The following IMMP2L variants were observed in gnomAD, a reference collection of about 807,000 sequenced individuals.
IMMP2L encodes the protein inner mitochondrial membrane peptidase subunit 2, also known as mitochondrial inner membrane protease subunit 2.
A neutral mutation model predicts 19.3 loss-of-function variants in IMMP2L; 18 were observed. The observed-to-expected ratio is 0.93, with a 90% CI of 0.64 to 1.38. The LOEUF is 1.38. IMMP2L is among the 40% of genes most tolerant of loss of function. The pLI is 0.00. For synonymous variants in IMMP2L, 76 were observed against 73.0 expected (o/e 1.04, Z -0.21); for missense variants, 233 against 218.2 (o/e 1.07, Z -0.43).
chr7:111,040,063 G>A lies in IMMP2L; in HGVS notation c.240-76498C>T, dbSNP rs148465797. Among the ~76,000 whole-genome samples the A allele has an allele frequency of 2.4e-3, 360 of 152,292 alleles. 3 individuals are homozygous for A. The highest frequency in any genetic ancestry group is 8.3e-3 in the African/African-American group (344 of 41,574). On this transcript the variant is annotated intron_variant, in intron 3 of 5. Coordinates refer to ENST00000405709, the MANE Select transcript of IMMP2L (RefSeq NM_032549.4). ...GCCTGTAATCCCAGCTACTCAGGAC[G>A]CTGAAGCAGGAGAATCACTTGAAGC...
At chr7:111,308,132 C>G (rs531682861) in intron 3 of IMMP2L, among the ~76,000 whole-genome samples, 1 of 151,900 alleles carries the variant, frequency 6.6e-6, no homozygotes, top group Admixed American at 6.6e-5. Flanking sequence ...CTTCAATCAA[C>G]CAACATAGAG....
chr7:110,882,773 GTTT>G (rs72028708), intron 5 of IMMP2L, among the ~76,000 whole-genome samples: 1 of 143,612 alleles, frequency 7.0e-6, no homozygotes, highest in Non-Finnish European at 1.5e-5. Context: ...TTTTTCTTTT[GTTT>G]TTTTTTTAAC....
At chr7:111,437,344 C>T (rs1837278635) in intron 3 of IMMP2L, among the ~76,000 whole-genome samples, 1 of 151,768 alleles carries the variant, frequency 6.6e-6, no homozygotes, top group Non-Finnish European at 1.5e-5. Context: ...ACTCAGGAGG[C>T]TGAGGCAAGA....
chr7:111,146,626 A>G (rs903996074), intron 3 of IMMP2L, among the ~76,000 whole-genome samples: 2 of 152,128 alleles, frequency 1.3e-5, no homozygotes, highest in East Asian at 3.8e-4. Flanking sequence ...TATCATCTAA[A>G]TTGTAAACTC....
intron 3 of IMMP2L, among the ~76,000 whole-genome samples, chr7:111,012,674 T>G (rs1012672481): frequency 6.6e-6 from 1 of 152,190 alleles, no homozygotes; most frequent in African/African-American, 2.4e-5. Flanking sequence ...TTCTGGAGTT[T>G]TAGGTAAGTT....
chr7:110,778,722 T>C (rs1157741602), intron 5 of IMMP2L, among the ~76,000 whole-genome samples: 1 of 151,952 alleles, frequency 6.6e-6, no homozygotes, highest in African/African-American at 2.4e-5. Context: ...GAAACACAGG[T>C]GCTTTAAGAA....
At chr7:111,315,299 G>GTAAA (rs1823937873) in intron 3 of IMMP2L, among the ~76,000 whole-genome samples, 1 of 152,026 alleles carries the variant, frequency 6.6e-6, no homozygotes, top group South Asian at 2.1e-4. Flanking sequence ...CTGACAGGTG[G>GTAAA]TAAGACAATA....
chr7:111,500,376 G>T (rs1472590472), intron 2 of IMMP2L, among the ~76,000 whole-genome samples: 1 of 152,150 alleles, frequency 6.6e-6, no homozygotes, highest in Non-Finnish European at 1.5e-5. Flanking sequence ...TCCACCTCTG[G>T]GGGCAGGGCA....
rs145068797 is a variant in IMMP2L, at chr7:111,116,589, A to C, written c.240-153024T>G. On this transcript the variant is annotated intron_variant, in intron 3 of 5. Transcript: ENST00000405709. ...CAATTTCACAGGACATTAACAATCA[A>C]CTTGAAAACAAGAGTAAAAATTTAG... Among the ~76,000 whole-genome samples the C allele has an allele frequency of 9.4e-3, 1,434 of 152,310 alleles. 22 individuals are homozygous for C. The highest frequency in any genetic ancestry group is 0.032 in the African/African-American group (1,329 of 41,590).
chr7:111,133,705 G>C (rs1291678063), intron 3 of IMMP2L, among the ~76,000 whole-genome samples: 1 of 151,962 alleles, frequency 6.6e-6, no homozygotes, highest in African/African-American at 2.4e-5. Flanking sequence ...ATGTAGTCTA[G>C]CACCCAGCTT....
At chr7:110,775,249 CTGTGTG>C (rs56387151) in intron 5 of IMMP2L, among the ~76,000 whole-genome samples, 26 of 146,722 alleles carry the variant, frequency 1.8e-4, no homozygotes, top group Middle Eastern at 6.9e-3. Context: ...CTTAAGTCAG[CTGTGTG>C]TGTGTGTGTG....
At chr7:111,253,040 A>G (rs895199519) in intron 3 of IMMP2L, among the ~76,000 whole-genome samples, 2 of 152,176 alleles carry the variant, frequency 1.3e-5, no homozygotes, top group Non-Finnish European at 2.9e-5. Flanking sequence ...TCTAATTTCT[A>G]CAAGTGTTTC....
chr7:110,733,559 C>T (rs542613338), intron 5 of IMMP2L, among the ~76,000 whole-genome samples: 25 of 151,690 alleles, frequency 1.6e-4, no homozygotes, highest in African/African-American at 5.8e-4. Context: ...ATTTTAGAAG[C>T]CAATTCCCAA....
chr7:111,310,701 C>G (rs563870001), intron 3 of IMMP2L, among the ~76,000 whole-genome samples: 1 of 152,196 alleles, frequency 6.6e-6, no homozygotes, highest in East Asian at 1.9e-4. Flanking sequence ...ATCGCCCTGA[C>G]AGTAAAGTAT....
At chr7:110,854,827 A>G (rs904501892) in intron 5 of IMMP2L, among the ~76,000 whole-genome samples, 7 of 151,988 alleles carry the variant, frequency 4.6e-5, no homozygotes, top group Non-Finnish European at 8.8e-5. Flanking sequence ...AGACTATAAT[A>G]TTCTGGAATT....
intron 3 of IMMP2L, among the ~76,000 whole-genome samples, chr7:111,383,317 A>G (rs921051827): frequency 1.3e-5 from 2 of 152,078 alleles, no homozygotes; most frequent in African/African-American, 4.8e-5. Flanking sequence ...CCGGACTTCT[A>G]CTCTGCCTGT....
intron 3 of IMMP2L, among the ~76,000 whole-genome samples, chr7:111,475,320 T>G (rs994654236): frequency 6.6e-6 from 1 of 152,108 alleles, no homozygotes; most frequent in Admixed American, 6.6e-5. Context: ...CTGATAAAAT[T>G]TGGTGGGTGT....
intron 3 of IMMP2L, among the ~76,000 whole-genome samples, chr7:111,459,151 A>G (rs1839927714): frequency 1.3e-5 from 2 of 152,130 alleles, no homozygotes; most frequent in African/African-American, 4.8e-5. Context: ...AGTTCCCTCT[A>G]TTTTCCTACT....
At chr7:110,730,156 AT>A (rs1796162321) in intron 5 of IMMP2L, among the ~76,000 whole-genome samples, 1 of 152,098 alleles carries the variant, frequency 6.6e-6, no homozygotes, top group African/African-American at 2.4e-5. Context: ...GATGCAAATT[AT>A]TGTTCCTGGG....
Sources: gnomAD v4.1 joint callset for allele counts (sites outside exome capture counted in the v4.1 genomes callset) on GRCh38, gnomAD v4.1.1 for gene constraint, MANE v1.5 for transcripts, NCBI Gene and HGNC (gene_info 2026-07-23, HGNC 2026-07-21) for gene names.